Variants in COPZ1 observed in about 807,000 individuals in gnomAD.
COPZ1 encodes the protein coat protein complex I subunit zeta 1, also known as coatomer subunit zeta-1.
In COPZ1, 4 loss-of-function variants were observed where a neutral mutation model predicts 31.7. That is an observed-to-expected ratio of 0.13 (90% confidence interval 0.06 to 0.29). COPZ1 has a LOEUF of 0.29. COPZ1 is among the 10% of genes least tolerant of loss of function. The pLI is 1.00. For synonymous variants in COPZ1, 74 were observed against 79.0 expected (o/e 0.94, Z 0.33); for missense variants, 156 against 211.5 (o/e 0.74, Z 1.63).
intron 5 of COPZ1, among the ~76,000 whole-genome samples, chr12:54,346,136 G>A (rs1405133885): frequency 6.6e-6 from 1 of 152,066 alleles, no homozygotes; most frequent in African/African-American, 2.4e-5. Flanking sequence ...TGTCAGATCT[G>A]AGCATCCTCA....
chr12:54,326,678 T>TAG (rs970128965), intron 1 of COPZ1, among the ~76,000 whole-genome samples: 6 of 140,606 alleles, frequency 4.3e-5, no homozygotes, highest in African/African-American at 1.0e-4. Flanking sequence ...TGTGTGTGTG[T>TAG]GTAGGTAGGT....
rs763821594 is a variant in COPZ1 at position 54,325,173 on chromosome 12, C to G, written c.10C>G (p.Leu4Val). Reference protein sequence around the residue: MEALILEPSLYTVK... With the variant: MEAVILEPSLYTVK... ...CCAGCTGCGGGGCAAGATGGAGGCGCTGATTTTGGTAGGAGCTGGAGGGGC... is the reference window on the plus strand; with the variant it reads ...CCAGCTGCGGGGCAAGATGGAGGCGGTGATTTTGGTAGGAGCTGGAGGGGC... The change falls in exon 1 of 9, where the codon CTG becomes GTG. Residue 4 changes from leucine to valine, a missense_variant. Transcript: ENST00000262061. The G allele has an allele frequency of 5.1e-6, 8 of 1,562,130 alleles. No homozygotes were observed. The highest frequency in any genetic ancestry group is 6.9e-6 in the Non-Finnish European group (8 of 1,153,608).
intron 1 of COPZ1, among the ~76,000 whole-genome samples, chr12:54,336,292 C>T (rs1953861304): frequency 6.6e-6 from 1 of 152,156 alleles, no homozygotes; most frequent in Non-Finnish European, 1.5e-5. Flanking sequence ...CGCCTGTAAT[C>T]CCAGCACTTT....
chr12:54,338,753 G>A lies in COPZ1; in HGVS notation c.19-1794G>A, dbSNP rs73314652. On this transcript the variant is annotated intron_variant, in intron 1 of 8. Coordinates refer to ENST00000262061, the MANE Select transcript of COPZ1 (RefSeq NM_016057.3). ...TTCTGGACAAATGGGACAAACCAGCGAACAAAACAAAAATTGCAGTCCTCA... is the reference window on the plus strand; with the variant it reads ...TTCTGGACAAATGGGACAAACCAGCAAACAAAACAAAAATTGCAGTCCTCA... 2.8e-3 allele frequency among the ~76,000 whole-genome samples: 426 copies of A among 152,268 alleles called. 4 individuals carry two copies. Among genetic ancestry groups the A allele is most frequent in the African/African-American group, 9.1e-3 (379 of 41,556 alleles).
intron 1 of COPZ1, among the ~76,000 whole-genome samples, chr12:54,335,447 C>T (rs749475899): frequency 4.1e-4 from 61 of 149,652 alleles, no homozygotes; most frequent in Non-Finnish European, 7.1e-4. Flanking sequence ...CTTGCTCTGT[C>T]GCCCAGGCTG....
chr12:54,345,388 G>T (rs931704062), intron 4 of COPZ1, 72 bp from the exon 5 acceptor site: 7 of 1,090,958 alleles, frequency 6.4e-6, no homozygotes, highest in South Asian at 1.3e-5. Context: ...AATGAATTAG[G>T]AGGTTTTGTT....
intron 1 of COPZ1, chr12:54,337,117 GACA>G (rs2137096619): frequency 3.8e-6 from 2 of 524,434 alleles, no homozygotes; most frequent in South Asian, 2.9e-5. Flanking sequence ...CTGTCTTGAG[GACA>G]GCATTCTTGT....
chr12:54,350,053 T>C, intron 8 of COPZ1: 1 of 599,892 alleles, frequency 1.7e-6, no homozygotes. Flanking sequence ...AATATGCAGG[T>C]TTTGCAGATC....
chr12:54,339,983 G>A (rs1953944692), intron 1 of COPZ1, among the ~76,000 whole-genome samples: 3 of 50,272 alleles, frequency 6.0e-5, no homozygotes, highest in South Asian at 2.3e-3. Flanking sequence ...GCCTGTGCGT[G>A]TGTGTGTGTG....
chr12:54,327,217 C>G (rs1036126064), intron 1 of COPZ1, among the ~76,000 whole-genome samples: 1 of 151,300 alleles, frequency 6.6e-6, no homozygotes, highest in African/African-American at 2.4e-5. Flanking sequence ...AACTCCTGAC[C>G]TCAAGTGATC....
Position 54,350,456 on chromosome 12 carries a change from T to G in COPZ1, c.487-20T>G, listed in dbSNP as rs1257220486. Reference sequence around the variant, plus strand: ...TGCCCTGTCAGCAAGCTTTCCTCAATGCTGCTCTTATCTCTGCAGGTGCTG... The same window carrying G: ...TGCCCTGTCAGCAAGCTTTCCTCAAGGCTGCTCTTATCTCTGCAGGTGCTG... On this transcript the variant is annotated intron_variant, in intron 8 of 8. Coordinates refer to ENST00000262061, the MANE Select transcript of COPZ1 (RefSeq NM_016057.3). 1 of 1,613,034 alleles carries G rather than the reference T, an allele frequency of 6.2e-7. No homozygotes were observed. The highest frequency in any genetic ancestry group is 1.7e-5 in the Admixed American group (1 of 60,018).
At chr12:54,343,378 T>C in intron 4 of COPZ1, 62 bp downstream of exon 4, 7 of 1,399,308 alleles carry the variant, frequency 5.0e-6, no homozygotes, top group Non-Finnish European at 7.1e-6. Context: ...AGGCAGTACA[T>C]AGCCACTGGT....
chr12:54,328,137 G>A (rs933628898), intron 1 of COPZ1, among the ~76,000 whole-genome samples: 9 of 151,672 alleles, frequency 5.9e-5, no homozygotes, highest in African/African-American at 9.7e-5. Flanking sequence ...ATAGCTGGGC[G>A]TGGTGGCACG....
chr12:54,337,239 G>A, intron 1 of COPZ1: 1 of 534,690 alleles, frequency 1.9e-6, no homozygotes, highest in Admixed American at 1.9e-5. Flanking sequence ...CATTTGAGGT[G>A]AAGTTCTGTT....
intron 5 of COPZ1, among the ~76,000 whole-genome samples, chr12:54,347,378 T>C (rs1565597216): frequency 1.3e-5 from 2 of 152,202 alleles, no homozygotes; most frequent in Admixed American, 1.3e-4. Context: ...AAGGTTTGCA[T>C]TGAACCCCTC....
intron 7 of COPZ1, among the ~76,000 whole-genome samples, chr12:54,349,393 C>T (rs986027616): frequency 1.3e-5 from 2 of 152,116 alleles, no homozygotes; most frequent in African/African-American, 2.4e-5. Context: ...TTAAGAAGTC[C>T]TCCTGCCTTA....
At chr12:54,347,465 T>C (rs1466712919) in intron 5 of COPZ1, among the ~76,000 whole-genome samples, 3 of 152,244 alleles carry the variant, frequency 2.0e-5, no homozygotes. Context: ...TCAGTGTTTA[T>C]GAGCAATGTT....
intron 1 of COPZ1, among the ~76,000 whole-genome samples, chr12:54,333,827 T>G (rs1338398865): frequency 6.6e-6 from 1 of 152,158 alleles, no homozygotes; most frequent in South Asian, 2.1e-4. Flanking sequence ...ATGTGTTGAG[T>G]TTTTTCTTTA....
Position 54,350,708 on chromosome 12 carries a change from T to C in COPZ1, c.*185T>C, listed in dbSNP as rs4759078. On this transcript the variant is annotated 3_prime_UTR_variant, in exon 9 of 9. Transcript: ENST00000262061. Reference sequence around the variant, plus strand: ...ACACCCTTCCTATTCTTTTTCATTCTTCTTGCAGTTCTGGGAGTAAAGCTC... The same window carrying C: ...ACACCCTTCCTATTCTTTTTCATTCCTCTTGCAGTTCTGGGAGTAAAGCTC... The C allele has an allele frequency of 3.3e-6, 2 of 607,912 alleles. No homozygotes were observed. Among genetic ancestry groups the C allele is most frequent in the Non-Finnish European group, 5.9e-6 (2 of 337,334 alleles). The allele number at this position is 607,912 out of a possible 1,614,324, so 37.7% of individuals were successfully genotyped here.
Sources: allele counts gnomAD v4.1 joint callset (sites outside exome capture counted in the v4.1 genomes callset), GRCh38; gene constraint gnomAD v4.1.1; transcripts MANE v1.5; gene names NCBI Gene and HGNC (gene_info 2026-07-23, HGNC 2026-07-21).